PIGB: variants seen among roughly 807,000 people sequenced by gnomAD.
PIGB encodes GPI alpha-1,2-mannosyltransferase 3.
Under a neutral mutation model 68.4 loss-of-function variants are expected in PIGB, and 58 were observed. The ratio of observed to expected loss-of-function variants is 0.85; its 90% confidence interval spans 0.69 to 1.06. The LOEUF is 1.06. Ranked by LOEUF, PIGB falls within the 50% of genes least tolerant of loss-of-function variation. The pLI is 0.00. For missense variants in PIGB, 634 were observed against 655.8 expected (o/e 0.97, Z 0.36); for synonymous variants, 219 against 220.5 (o/e 0.99, Z 0.06).
intron 5 of PIGB, 104 bp from the exon 6 acceptor site, chr15:55,333,763 A>C (rs551111095): frequency 5.3e-5 from 40 of 758,050 alleles, no homozygotes; most frequent in Non-Finnish European, 7.9e-5. Context: ...AAAAAAGTTC[A>C]TATAGCTATT....
At chr15:55,332,590 C>G (rs1377352322) in intron 5 of PIGB, among the ~76,000 whole-genome samples, 1 of 151,916 alleles carries the variant, frequency 6.6e-6, no homozygotes, top group Non-Finnish European at 1.5e-5. Context: ...CCAGACTGGT[C>G]TTGAACTCCT....
rs141521132 is a variant in PIGB at position 55,336,726 on chromosome 15, G to A, written c.795-2541G>A. Among the ~76,000 whole-genome samples, 325 of 152,350 alleles carry A rather than the reference G, an allele frequency of 2.1e-3. 1 individual carries two copies. Among genetic ancestry groups the A allele is most frequent in the African/African-American group, 7.4e-3 (306 of 41,580 alleles). On this transcript the variant is annotated intron_variant, in intron 6 of 11. Transcript: ENST00000164305. ...CTAGTGGTTGGGCACGATGGCTCAC[G>A]CCTATAATCCCAGCACTTTGGGAGG...
In PIGB at chr15:55,324,851, C is replaced by T. The variant is rs1033102685; in HGVS notation, c.418-2680C>T. On this transcript the variant is annotated intron_variant, in intron 3 of 11. Transcript: ENST00000164305. Reference sequence around the variant, plus strand: ...AAACAGAAGGTATGTACATGAGTGCCTTTTCCTGTATTTTACAGGGCACAG... The same window carrying T: ...AAACAGAAGGTATGTACATGAGTGCTTTTTCCTGTATTTTACAGGGCACAG... The T allele has an allele frequency of 9.2e-6, 9 of 973,610 alleles. No homozygotes were observed. The African/African-American group carries it at 1.4e-4, about 15-fold the overall frequency. The allele number at this position is 973,610 out of a possible 1,614,324, so 60.3% of individuals were successfully genotyped here. A position where few individuals can be genotyped will look rare whatever the true frequency, so the allele number is the denominator to read the frequency against.
At position 55,333,973 on chromosome 15, in the gene PIGB, C is replaced by G. The variant is rs373271646; in HGVS notation, c.760C>G (p.Leu254Val). 4 of 1,606,392 alleles carry G rather than the reference C, an allele frequency of 2.5e-6. No homozygotes were observed. In the African/African-American group the frequency reaches 5.4e-5, roughly 22 times the overall value. The change falls in exon 6 of 12, where the codon CTT (leucine) becomes GTT (valine). Residue 254 changes from leucine to valine, a missense_variant. Leu to Val is a conservative substitution (Grantham distance 32, BLOSUM62 1). Transcript: ENST00000164305. ...FRHFCQEPRK[L>V]DLILHHFLPV... Reference sequence around the variant, plus strand: ...ACATTTCTGTCAAGAACCAAGAAAGCTTGATCTTATTCTACATCATTTTTT... The same window carrying G: ...ACATTTCTGTCAAGAACCAAGAAAGGTTGATCTTATTCTACATCATTTTTT...
At chr15:55,327,021 C>T (rs1167825827) in intron 3 of PIGB, among the ~76,000 whole-genome samples, 1 of 151,950 alleles carries the variant, frequency 6.6e-6, no homozygotes, top group African/African-American at 2.4e-5. Context: ...GTCCTAGCTA[C>T]TCAGTAGACT....
rs987973476 is a variant in PIGB, at chr15:55,340,437, C to A, written c.847-175C>A. ...CGCCACTGCACTCCAGCCTGGGCGA[C>A]AGAGCAAGACTCCATCTTAAAAAAA... is the stretch of plus-strand genomic sequence containing the variant. On this transcript the variant is annotated intron_variant, in intron 7 of 11. Coordinates refer to ENST00000164305, the MANE Select transcript of PIGB (RefSeq NM_004855.5). 1.7e-5 allele frequency: 6 copies of A among 343,658 alleles called. No homozygotes were observed. The East Asian group carries it at 3.0e-4, about 17-fold the overall frequency. 21.3% of individuals were successfully genotyped at this position (343,658 alleles called of 1,614,324 possible).
chr15:55,327,100 A>G (rs1409409803), intron 3 of PIGB, among the ~76,000 whole-genome samples: 1 of 151,516 alleles, frequency 6.6e-6, no homozygotes, highest in Non-Finnish European at 1.5e-5. Context: ...GACCCTGTCA[A>G]TCAATCAATA....
At chr15:55,354,245 T>G (rs1372938175) in intron 10 of PIGB, among the ~76,000 whole-genome samples, 2 of 151,490 alleles carry the variant, frequency 1.3e-5, no homozygotes, top group Non-Finnish European at 2.9e-5. Context: ...GAGGTGGAGG[T>G]TGCAGTGAGC....
chr15:55,337,290 TA>T (rs2055559201), intron 6 of PIGB, among the ~76,000 whole-genome samples: 1 of 152,192 alleles, frequency 6.6e-6, no homozygotes, highest in Non-Finnish European at 1.5e-5. Context: ...TTACAAAAGC[TA>T]AATAAATACA....
intron 10 of PIGB, among the ~76,000 whole-genome samples, chr15:55,351,113 T>TC (rs2055912034): frequency 1.4e-5 from 2 of 147,296 alleles, no homozygotes; most frequent in African/African-American, 5.1e-5. Context: ...TTTTTTTCTT[T>TC]TTTTTTTTTT....
chr15:55,345,344 T>C (rs2055767810), intron 9 of PIGB, among the ~76,000 whole-genome samples: 11 of 152,270 alleles, frequency 7.2e-5, no homozygotes, highest in Admixed American at 6.5e-4. Flanking sequence ...ATTTTGGTAT[T>C]TATCTCGATA....
chr15:55,326,190 C>T (rs2055280537), intron 3 of PIGB, among the ~76,000 whole-genome samples: 1 of 146,448 alleles, frequency 6.8e-6, no homozygotes. Flanking sequence ...GAGCGAGACT[C>T]TGTCTCCAAA....
chr15:55,335,283 AC>A (rs2055509072), intron 6 of PIGB, among the ~76,000 whole-genome samples: 1 of 152,232 alleles, frequency 6.6e-6, no homozygotes, highest in South Asian at 2.1e-4. Flanking sequence ...TTCACTAGTC[AC>A]AAGTATTTTT....
chr15:55,340,018 A>G (rs566160418), intron 7 of PIGB: 3 of 152,246 alleles, frequency 2.0e-5, no homozygotes, highest in Non-Finnish European at 4.4e-5. Context: ...AAAACTTGAA[A>G]TAAAAACACA....
chr15:55,338,946 G>A (rs2055599633), intron 6 of PIGB, among the ~76,000 whole-genome samples: 1 of 152,148 alleles, frequency 6.6e-6, no homozygotes, highest in African/African-American at 2.4e-5. Flanking sequence ...CAACACCTAG[G>A]TTCTTGATCC....
intron 9 of PIGB, chr15:55,343,535 G>A (rs939805674): frequency 2.0e-5 from 3 of 152,092 alleles, no homozygotes; most frequent in Non-Finnish European, 2.9e-5. Context: ...TCTGTGTCCT[G>A]TTGCTTTACC....
chr15:55,328,201 C>T (rs1414639575), intron 4 of PIGB, among the ~76,000 whole-genome samples: 2 of 152,130 alleles, frequency 1.3e-5, no homozygotes, highest in Non-Finnish European at 2.9e-5. Flanking sequence ...TATCTTTTGT[C>T]GTTTGACTTA....
At chr15:55,350,570 G>C in intron 9 of PIGB, 129 bp from the exon 10 acceptor site, 2 of 681,030 alleles carry the variant, frequency 2.9e-6, no homozygotes, top group South Asian at 1.8e-5. Context: ...ATGACTTATT[G>C]CTTATTTCTT....
chr15:55,350,665 A>C (rs1409357620), intron 9 of PIGB, 34 bp from the exon 10 acceptor site: 1 of 1,309,166 alleles, frequency 7.6e-7, no homozygotes, highest in South Asian at 1.2e-5. Context: ...AAAGATTGTC[A>C]GTGTTAAGGT....
Sources: gnomAD v4.1 joint callset for allele counts (sites outside exome capture counted in the v4.1 genomes callset) on GRCh38, gnomAD v4.1.1 for gene constraint, MANE v1.5 for transcripts, NCBI Gene and HGNC (gene_info 2026-07-23, HGNC 2026-07-21) for gene names.